Variants in CADM2 observed in about 807,000 individuals in gnomAD.
CADM2 encodes immunoglobulin superfamily member 4D.
CADM2 carries 12 observed loss-of-function variants against 49.8 expected under a neutral mutation model. The observed-to-expected ratio is 0.24, with a 90% CI of 0.15 to 0.39. The LOEUF (loss-of-function observed/expected upper bound fraction) is 0.39, where lower values mean the gene tolerates loss of function less well. Among genes scored for constraint, CADM2 ranks in the 10% least tolerant of loss-of-function variants. The probability of loss-of-function intolerance (pLI) is 1.00; values close to 1 mark genes in which losing one functional copy is unlikely to be tolerated. For missense variants in CADM2, 378 were observed against 492.3 expected (o/e 0.77, Z 2.20); for synonymous variants, 214 against 175.4 (o/e 1.22, Z -1.74).
At chr3:85,129,944 C>T (rs1263169388) in intron 1 of CADM2, among the ~76,000 whole-genome samples, 1 of 152,136 alleles carries the variant, frequency 6.6e-6, no homozygotes, top group Non-Finnish European at 1.5e-5. Flanking sequence ...TGATGCCTTC[C>T]ACGCTTTTAA....
At chr3:85,433,344 G>A (rs550494393) in intron 1 of CADM2, among the ~76,000 whole-genome samples, 90 of 152,076 alleles carry the variant, frequency 5.9e-4, no homozygotes, top group Non-Finnish European at 9.9e-4. Context: ...GTTAGTGCAA[G>A]GAATGTATAT....
chr3:85,229,064 G>A (rs2042224669), intron 1 of CADM2, among the ~76,000 whole-genome samples: 1 of 152,156 alleles, frequency 6.6e-6, no homozygotes, highest in African/African-American at 2.4e-5. Flanking sequence ...GAGCTGTGGT[G>A]GGCTCTGCCC....
chr3:85,107,582 T>C (rs959932512), intron 1 of CADM2, among the ~76,000 whole-genome samples: 1 of 66,862 alleles, frequency 1.5e-5, no homozygotes, highest in Non-Finnish European at 6.8e-5. Context: ...CTCTCTTTCT[T>C]TCTTTTCTTT....
intron 3 of CADM2, among the ~76,000 whole-genome samples, chr3:85,841,856 C>A (rs1314941681): frequency 6.6e-6 from 1 of 151,856 alleles, no homozygotes; most frequent in Non-Finnish European, 1.5e-5. Context: ...TTTCAAATGA[C>A]TGTAATTTGT....
intron 1 of CADM2, among the ~76,000 whole-genome samples, chr3:85,512,725 C>T (rs1559878953): frequency 6.6e-6 from 1 of 151,824 alleles, no homozygotes; most frequent in Non-Finnish European, 1.5e-5. Context: ...ACTTCATATA[C>T]ACATTGATTT....
chr3:85,109,961 C>T (rs914530699), intron 1 of CADM2, among the ~76,000 whole-genome samples: 1 of 151,830 alleles, frequency 6.6e-6, no homozygotes, highest in Admixed American at 6.6e-5. Context: ...AAAAAGAAAT[C>T]TACTTTAAGA....
chr3:85,124,721 TA>T lies in CADM2; in HGVS notation c.61+165057del, dbSNP rs1271978962. Among the ~76,000 whole-genome samples, 3 of 152,296 alleles carry T rather than the reference TA, an allele frequency of 2.0e-5. No homozygotes were observed. The East Asian group carries it at 5.8e-4, about 29-fold the overall frequency. ...AAGGAACATTATAGCTTAGCCTACC[TA>T]AAAGGTGCTCAGAGTAATTGTATTA... On this transcript the variant is annotated intron_variant, in intron 1 of 9. Coordinates refer to ENST00000383699, the MANE Select transcript of CADM2 (RefSeq NM_001167675.2).
chr3:85,929,286 T>G (rs1437388607), intron 6 of CADM2, among the ~76,000 whole-genome samples: 1 of 152,082 alleles, frequency 6.6e-6, no homozygotes, highest in African/African-American at 2.4e-5. Flanking sequence ...GAATTACTGT[T>G]TAAGTAAAAT....
intron 5 of CADM2, 66 bp from the exon 6 acceptor site, chr3:85,912,307 T>C (rs1387950427): frequency 2.5e-6 from 3 of 1,214,148 alleles, no homozygotes; most frequent in South Asian, 1.6e-5. Flanking sequence ...TTCCATTATC[T>C]TGAGTAAATG....
intron 2 of CADM2, among the ~76,000 whole-genome samples, chr3:85,753,015 A>G (rs9867790): frequency 0.14 from 21,893 of 152,020 alleles, 1,798 homozygotes; most frequent in African/African-American, 0.22. Flanking sequence ...TGTTCACAGA[A>G]ATATTTTTGT....
chr3:85,300,580 A>G (rs1046193120), intron 1 of CADM2, among the ~76,000 whole-genome samples: 3 of 152,114 alleles, frequency 2.0e-5, no homozygotes, highest in African/African-American at 7.2e-5. Flanking sequence ...CCTCTTCTGA[A>G]CTAATCAGTG....
chr3:85,927,943 C>CAAAAA (rs1479066838), intron 6 of CADM2, among the ~76,000 whole-genome samples: 29 of 152,066 alleles, frequency 1.9e-4, no homozygotes, highest in Non-Finnish European at 2.4e-4. Context: ...TAAATACTTT[C>CAAAAA]AAAGCTTGTG....
intron 1 of CADM2, among the ~76,000 whole-genome samples, chr3:85,076,077 A>AT (rs2036930320): frequency 6.6e-6 from 1 of 151,562 alleles, no homozygotes; most frequent in Non-Finnish European, 1.5e-5. Context: ...AAAAAAAAAA[A>AT]GGTAGTTACC....
At chr3:85,311,385 ATTT>A (rs4053317) in intron 1 of CADM2, among the ~76,000 whole-genome samples, 13 of 146,212 alleles carry the variant, frequency 8.9e-5, no homozygotes, top group Admixed American at 2.8e-4. Flanking sequence ...TATTATTATT[ATTT>A]TTTTTGAAAC....
At chr3:85,264,522 C>T (rs2043079993) in intron 1 of CADM2, among the ~76,000 whole-genome samples, 1 of 152,038 alleles carries the variant, frequency 6.6e-6, no homozygotes, top group Non-Finnish European at 1.5e-5. Flanking sequence ...GTTTCTGGCA[C>T]TGTTTTTGCT....
chr3:85,520,265 G>T (rs1394012433), intron 1 of CADM2, among the ~76,000 whole-genome samples: 3 of 151,726 alleles, frequency 2.0e-5, no homozygotes, highest in Admixed American at 1.3e-4. Flanking sequence ...GTAGCATACA[G>T]ATTATTATAT....
chr3:85,372,211 T>C (rs1471576787), intron 1 of CADM2, among the ~76,000 whole-genome samples: 1 of 151,932 alleles, frequency 6.6e-6, no homozygotes, highest in Non-Finnish European at 1.5e-5. Flanking sequence ...CCAAATATAT[T>C]TTGACAATAT....
At chr3:85,993,869 A>T (rs1229463837) in intron 8 of CADM2, 1 of 152,098 alleles carries the variant, frequency 6.6e-6, no homozygotes, top group African/African-American at 2.4e-5. Flanking sequence ...CTATAAATAG[A>T]TGTGCTAACA....
chr3:85,494,773 A>G (rs1255136975), intron 1 of CADM2, among the ~76,000 whole-genome samples: 1 of 152,152 alleles, frequency 6.6e-6, no homozygotes, highest in Non-Finnish European at 1.5e-5. Flanking sequence ...AAGCTCTTCA[A>G]AACCAAAGTG....
Sources: gnomAD v4.1 joint callset for allele counts (sites outside exome capture counted in the v4.1 genomes callset) on GRCh38, gnomAD v4.1.1 for gene constraint, MANE v1.5 for transcripts, NCBI Gene and HGNC (gene_info 2026-07-23, HGNC 2026-07-21) for gene names.